The following NFATC3 variants were observed in gnomAD, a reference collection of about 807,000 sequenced individuals.
The protein encoded by NFATC3 is nuclear factor of activated T cells 3.
A neutral mutation model predicts 98.6 loss-of-function variants in NFATC3; 46 were observed. The ratio of observed to expected loss-of-function variants is 0.47; its 90% CI spans 0.37 to 0.60. NFATC3 has a LOEUF of 0.60. Ranked by LOEUF, NFATC3 falls within the 20% of genes least tolerant of loss-of-function variation. The pLI is 0.00. For synonymous variants in NFATC3, 512 were observed against 472.2 expected (o/e 1.08, Z -1.09); for missense variants, 1,256 against 1,295.5 (o/e 0.97, Z 0.47).
At chr16:68,219,028 G>A (rs2041751067) in intron 9 of NFATC3, among the ~76,000 whole-genome samples, 1 of 151,842 alleles carries the variant, frequency 6.6e-6, no homozygotes, top group South Asian at 2.1e-4. Flanking sequence ...AGGATCAATT[G>A]AGGCCAGAAG....
intron 3 of NFATC3, among the ~76,000 whole-genome samples, chr16:68,129,463 C>T (rs1380490023): frequency 1.3e-5 from 2 of 152,112 alleles, no homozygotes; most frequent in Non-Finnish European, 2.9e-5. Context: ...TTTCCCAGTA[C>T]TTTTGATGCT....
At chr16:68,116,733 A>G (rs1567505377) in intron 1 of NFATC3, among the ~76,000 whole-genome samples, 1 of 152,038 alleles carries the variant, frequency 6.6e-6, no homozygotes, top group Non-Finnish European at 1.5e-5. Flanking sequence ...GCATTAGTCA[A>G]CAACTGAAAT....
intron 7 of NFATC3, among the ~76,000 whole-genome samples, chr16:68,182,263 A>G (rs1256142944): frequency 6.6e-6 from 1 of 152,178 alleles, no homozygotes; most frequent in East Asian, 1.9e-4. Context: ...CTCTTCAGCT[A>G]TTTAGTTAAG....
At chr16:68,194,331 C>T (rs867998282) in intron 9 of NFATC3, among the ~76,000 whole-genome samples, 9 of 152,122 alleles carry the variant, frequency 5.9e-5, no homozygotes, top group Non-Finnish European at 1.0e-4. Flanking sequence ...AATTTCACTG[C>T]GTTAACCCAT....
At chr16:68,091,869 T>C (rs1443302080) in intron 1 of NFATC3, among the ~76,000 whole-genome samples, 2 of 152,208 alleles carry the variant, frequency 1.3e-5, no homozygotes, top group African/African-American at 4.8e-5. Context: ...TGCCCAGGCA[T>C]GCCATATGAG....
intron 1 of NFATC3, among the ~76,000 whole-genome samples, chr16:68,116,804 CCTT>C (rs1428413277): frequency 6.7e-6 from 1 of 150,202 alleles, no homozygotes; most frequent in African/African-American, 2.5e-5. Flanking sequence ...GACTTTCTGT[CCTT>C]TTTTTTTTTT....
intron 9 of NFATC3, among the ~76,000 whole-genome samples, chr16:68,215,885 C>T (rs898176623): frequency 1.3e-5 from 2 of 151,816 alleles, no homozygotes; most frequent in Admixed American, 6.6e-5. Context: ...CCTGCCACCA[C>T]GCCCGGCTAA....
chr16:68,225,044 C>G (rs976989801), intron 9 of NFATC3: 1 of 152,160 alleles, frequency 6.6e-6, no homozygotes, highest in African/African-American at 2.4e-5. Context: ...CCTCCGCCTC[C>G]CAGGTTCAAG....
intron 1 of NFATC3, among the ~76,000 whole-genome samples, chr16:68,100,489 G>A (rs112449120): frequency 7.2e-5 from 11 of 152,018 alleles, no homozygotes; most frequent in Admixed American, 6.5e-4. Flanking sequence ...ATGAGAAATC[G>A]CTTGAACCCT....
intron 3 of NFATC3, among the ~76,000 whole-genome samples, chr16:68,128,859 T>G (rs1017763170): frequency 6.6e-6 from 1 of 151,164 alleles, no homozygotes; most frequent in African/African-American, 2.4e-5. Context: ...ATGCCTGTAA[T>G]CCAGGTGACA....
intron 3 of NFATC3, among the ~76,000 whole-genome samples, chr16:68,131,362 C>T (rs116299759): frequency 6.6e-6 from 1 of 152,196 alleles, no homozygotes; most frequent in Admixed American, 6.5e-5. Context: ...ACTGCAGCCT[C>T]TGCCTTCCGG....
At chr16:68,210,166 C>T (rs543037003) in intron 9 of NFATC3, among the ~76,000 whole-genome samples, 6 of 152,026 alleles carry the variant, frequency 3.9e-5, no homozygotes, top group South Asian at 2.1e-4. Context: ...GGCATGGTGG[C>T]GGGCACCTGT....
chr16:68,089,271 A>G (rs1019665991), intron 1 of NFATC3: 4 of 985,316 alleles, frequency 4.1e-6, no homozygotes, highest in Non-Finnish European at 4.8e-6. Context: ...AGCTTGTTAA[A>G]GTGCTAATTA....
At chr16:68,152,170 C>T (rs550497000) in intron 3 of NFATC3, among the ~76,000 whole-genome samples, 1 of 149,010 alleles carries the variant, frequency 6.7e-6, no homozygotes, top group Admixed American at 6.7e-5. Context: ...CAAGACCAGC[C>T]TGGCCAACAT....
intron 9 of NFATC3, among the ~76,000 whole-genome samples, chr16:68,195,194 G>A (rs532908996): frequency 2.6e-5 from 4 of 152,212 alleles, no homozygotes; most frequent in Admixed American, 6.5e-5. Context: ...GGCGGAGGTT[G>A]CAGTGAGCTG....
At chr16:68,123,171 T>A in intron 2 of NFATC3, 50 bp downstream of exon 2, 1 of 1,529,746 alleles carries the variant, frequency 6.5e-7, no homozygotes, top group East Asian at 2.3e-5. Context: ...TATGGGTCAT[T>A]GGTGGCATAT....
chr16:68,188,069 A>G (rs776693188), intron 8 of NFATC3, among the ~76,000 whole-genome samples: 13 of 152,138 alleles, frequency 8.5e-5, no homozygotes, highest in Non-Finnish European at 1.9e-4. Context: ...CTGAGGCGGC[A>G]GGGGTCTGGT....
At position 68,196,619 on chromosome 16, in the gene NFATC3, G is replaced by A. The variant is rs112343639; in HGVS notation, c.3106+4844G>A. 4.9e-3 allele frequency among the ~76,000 whole-genome samples: 744 copies of A among 152,060 alleles called. 8 individuals carry two copies. Among genetic ancestry groups the A allele is most frequent in the African/African-American group, 0.017 (702 of 41,484 alleles). ...GAGGCAGGGAGAATTGCTTGAACCC[G>A]GGAGGTGGAGGTTGCAGTGAGCTGA... On this transcript the variant is annotated intron_variant, in intron 9 of 9. Coordinates refer to ENST00000346183, the MANE Select transcript of NFATC3 (RefSeq NM_173165.3).
intron 1 of NFATC3, among the ~76,000 whole-genome samples, chr16:68,111,794 AG>A (rs1233020491): frequency 6.6e-6 from 1 of 152,196 alleles, no homozygotes; most frequent in African/African-American, 2.4e-5. Context: ...TGCTTCCTTC[AG>A]GAATTCTTGT....
Sources: allele counts gnomAD v4.1 joint callset (sites outside exome capture counted in the v4.1 genomes callset), GRCh38; gene constraint gnomAD v4.1.1; transcripts MANE v1.5; gene names NCBI Gene and HGNC (gene_info 2026-07-23, HGNC 2026-07-21).